The following PDE4A variants were observed in gnomAD, a reference collection of about 807,000 sequenced individuals.
PDE4A encodes 3',5'-cyclic-AMP phosphodiesterase 4A.
PDE4A carries 21 observed loss-of-function variants against 73.9 expected under a neutral mutation model. That is an observed-to-expected ratio of 0.28 (90% CI 0.20 to 0.41). The LOEUF is 0.41. Among genes scored for constraint, PDE4A ranks in the 10% least tolerant of loss-of-function variants. The probability of loss-of-function intolerance (pLI) is 1.00; values close to 1 mark genes in which losing one functional copy is unlikely to be tolerated. For missense variants in PDE4A, 958 were observed against 1,211.4 expected (o/e 0.79, Z 3.10); for synonymous variants, 463 against 505.4 (o/e 0.92, Z 1.13).
rs747457318 is a variant in PDE4A, at chr19:10,467,354, C to T, written c.2394C>T (p.Ser798=). 17 of 1,614,072 alleles carry T rather than the reference C, an allele frequency of 1.1e-5. 1 individual carries two copies. The South Asian group carries it at 1.8e-4, about 17-fold the overall frequency. ...SAPVAPDEFS[S]REEFVVAVSH... Reference sequence around the variant, plus strand: ...CTGTGGCTCCGGATGAGTTCTCGTCCCGGGAGGAATTCGTGGTTGCTGTAA... The same window carrying T: ...CTGTGGCTCCGGATGAGTTCTCGTCTCGGGAGGAATTCGTGGTTGCTGTAA... The change falls in exon 15 of 15, where the codon TCC becomes TCT. Residue 798 remains serine, a synonymous_variant. Transcript: ENST00000380702.
At chr19:10,441,682 TTA>T (rs2042939667) in intron 1 of PDE4A, among the ~76,000 whole-genome samples, 5 of 140,904 alleles carry the variant, frequency 3.5e-5, no homozygotes, top group East Asian at 2.0e-4. Context: ...TCATTTTGAG[TTA>T]TTTTTTTTTT....
At chr19:10,442,975 CATATTACATATTACCA>C (rs1457471015) in intron 1 of PDE4A, among the ~76,000 whole-genome samples, 5 of 151,640 alleles carry the variant, frequency 3.3e-5, no homozygotes, top group African/African-American at 4.8e-5. Flanking sequence ...AGTAATATTA[CATATTACATATTACCA>C]ATATTACATA....
intron 7 of PDE4A, 44 bp downstream of exon 7, chr19:10,454,966 G>A (rs751868238): frequency 1.3e-6 from 2 of 1,594,010 alleles, no homozygotes; most frequent in South Asian, 1.1e-5. Flanking sequence ...GGACATTTGG[G>A]GTAGAGAGGG....
At position 10,433,770 on chromosome 19, in the gene PDE4A, T is replaced by C. The variant is rs544163791; in HGVS notation, c.321-12448T>C. 2.0e-5 allele frequency among the ~76,000 whole-genome samples: 3 copies of C among 152,190 alleles called. No individual in the cohort carries two copies. The South Asian group carries it at 6.2e-4, about 31-fold the overall frequency. Reference sequence around the variant, plus strand: ...ACCCGCCTTCAACCTCCATGTGACCTTCACAAAGCAAATGCCAGGCCTTTC... The same window carrying C: ...ACCCGCCTTCAACCTCCATGTGACCCTCACAAAGCAAATGCCAGGCCTTTC... On this transcript the variant is annotated intron_variant, in intron 1 of 14. Transcript: ENST00000380702.
rs200517334 is a variant in PDE4A, at chr19:10,448,920, C to T, written c.516C>T (p.His172=). The change falls in exon 3 of 15, where the codon CAC becomes CAT. Residue 172 remains histidine, a synonymous_variant. Coordinates refer to ENST00000380702, the MANE Select transcript of PDE4A (RefSeq NM_001111307.2). ...SRNSSVTSEA[H]AEDLIVTPFA... ...CTGCCTCTGTCCTCAATCACAGGCA[C>T]GCTGAAGACCTCATCGTAACACCAT... 69 of 1,613,928 alleles carry T rather than the reference C, an allele frequency of 4.3e-5. No homozygotes were observed. Among genetic ancestry groups the T allele is most frequent in the Non-Finnish European group, 5.1e-5 (60 of 1,179,872 alleles).
chr19:10,417,784 G>A (rs773674310), upstream of PDE4A: 1 of 1,561,376 alleles, frequency 6.4e-7, no homozygotes, highest in Non-Finnish European at 8.6e-7. Context: ...TCGGACCCTG[G>A]GGTCCCTCTG....
intron 1 of PDE4A, among the ~76,000 whole-genome samples, chr19:10,439,155 GTTTGTTTGTTTTGAGGGTTT>G (rs1211681693): frequency 6.6e-6 from 1 of 152,006 alleles, no homozygotes; most frequent in African/African-American, 2.4e-5. Context: ...GATTCTACGT[GTTTGTTTGTTTTGAGGGTTT>G]TTTGTTTGTT....
upstream of PDE4A, chr19:10,418,992 C>T (rs2042613241): frequency 3.1e-6 from 3 of 983,050 alleles, no homozygotes; most frequent in South Asian, 9.4e-5. Flanking sequence ...GCTCGGCGTT[C>T]GCCCACGCCG....
intron 1 of PDE4A, among the ~76,000 whole-genome samples, chr19:10,438,826 G>A (rs916983564): frequency 2.6e-5 from 4 of 151,810 alleles, no homozygotes; most frequent in East Asian, 1.9e-4. Flanking sequence ...GGCTGGTCTC[G>A]AACTCCCAAC....
At chr19:10,460,943 G>C (rs1211146762) in intron 10 of PDE4A, 61 bp from the exon 11 acceptor site, 9 of 1,534,826 alleles carry the variant, frequency 5.9e-6, no homozygotes, top group Non-Finnish European at 7.1e-6. Context: ...AGACAAACAG[G>C]TGCTCACCAC....
Position 10,450,926 on chromosome 19 carries a change from G to A in PDE4A, c.768G>A (p.Glu256=). The A allele has an allele frequency of 6.2e-7, 1 of 1,602,508 alleles. No homozygotes were observed. The highest frequency in any genetic ancestry group is 8.5e-7 in the Non-Finnish European group (1 of 1,174,904). The stretch of plus-strand genomic sequence containing the variant: ...TGCAGACCTATCGCTCTGTCAGCGA[G>A]ATGGCCTCGCACAAGGTGTGCAGGT... ...ETMQTYRSVS[E]MASHKFKRML... Residue 256 remains glutamate (E), a synonymous_variant, in exon 6 of 15, where the codon GAG becomes GAA. Transcript: ENST00000380702.
intron 13 of PDE4A, among the ~76,000 whole-genome samples, chr19:10,463,175 C>G (rs955935907): frequency 6.6e-6 from 1 of 151,794 alleles, no homozygotes; most frequent in Non-Finnish European, 1.5e-5. Context: ...CTGCAAACTC[C>G]GCCTCCTGGG....
At chr19:10,459,039 G>A in intron 8 of PDE4A, 2 of 208,838 alleles carry the variant, frequency 9.6e-6, no homozygotes, top group South Asian at 1.4e-4. Flanking sequence ...CTAAGAGGCT[G>A]AGCTGTGCTG....
intron 14 of PDE4A, among the ~76,000 whole-genome samples, chr19:10,465,683 C>CTTTGTTTTTTTTT (rs2043355133): frequency 2.1e-5 from 1 of 48,366 alleles, no homozygotes; most frequent in South Asian, 1.0e-3. Flanking sequence ...GTGGCTTTAG[C>CTTTGTTTTTTTTT]TTTTTTTTTT....
chr19:10,445,653 A>G (rs2042992874), intron 1 of PDE4A, among the ~76,000 whole-genome samples: 1 of 151,672 alleles, frequency 6.6e-6, no homozygotes, highest in African/African-American at 2.4e-5. Flanking sequence ...CTGTAATCCC[A>G]GCTACGCAGG....
At chr19:10,450,797 C>G (rs772469031) in intron 5 of PDE4A, 32 bp from the exon 6 acceptor site, 2 of 1,587,472 alleles carry the variant, frequency 1.3e-6, no homozygotes, top group Non-Finnish European at 1.7e-6. Flanking sequence ...TACAGACCTT[C>G]TCAGTCACTA....
Position 10,424,162 on chromosome 19 carries a change from C to T in PDE4A, c.320+3078C>T, listed in dbSNP as rs898209490. On this transcript the variant is annotated intron_variant, in intron 1 of 14. Transcript: ENST00000380702. The surrounding 1 kb of genome is among the most constrained non-coding windows in gnomAD (Gnocchi z 4.8). ...CCTCCAGACCTGAAGATGTATGAGA[C>T]GGCTGAGTCACGGCACAGCCACGAT... Among the ~76,000 whole-genome samples the T allele has an allele frequency of 3.9e-5, 6 of 152,198 alleles. No individual in the cohort carries two copies. Among genetic ancestry groups the T allele is most frequent in the African/African-American group, 1.4e-4 (6 of 41,446 alleles).
intron 12 of PDE4A, 40 bp from the exon 13 acceptor site, chr19:10,461,837 G>T: frequency 6.2e-7 from 1 of 1,602,600 alleles, no homozygotes; most frequent in East Asian, 2.2e-5. Context: ...AGTCTGGGGG[G>T]CGGGTGTCAG....
At chr19:10,443,361 A>G (rs761426553) in intron 1 of PDE4A, among the ~76,000 whole-genome samples, 98 of 151,616 alleles carry the variant, frequency 6.5e-4, no homozygotes, top group Non-Finnish European at 1.1e-3. Context: ...CCTGGACAAC[A>G]TGGCGAGACC....
Sources: allele counts gnomAD v4.1 joint callset (sites outside exome capture counted in the v4.1 genomes callset), GRCh38; gene constraint gnomAD v4.1.1; non-coding constraint Gnocchi (gnomAD v3.1); transcripts MANE v1.5; gene names NCBI Gene and HGNC (gene_info 2026-07-23, HGNC 2026-07-21).